The following CERS4 variants were observed in gnomAD, a reference collection of about 807,000 sequenced individuals.
The protein encoded by CERS4 is LAG1 homolog, ceramide synthase 4.
Under a neutral mutation model 51.8 loss-of-function variants are expected in CERS4, and 65 were observed. The ratio of observed to expected loss-of-function variants is 1.26; its 90% confidence interval spans 1.03 to 1.54. The LOEUF is 1.54. Among genes scored for constraint, CERS4 ranks in the 40% most tolerant of loss-of-function variants. CERS4 has a pLI of 0.00. For synonymous variants in CERS4, 228 were observed against 208.4 expected, an observed-to-expected ratio of 1.09 and a Z score of -0.81; for missense variants, 563 against 500.4, an observed-to-expected ratio of 1.13 and a Z score of -1.19.
intron 2 of CERS4, among the ~76,000 whole-genome samples, chr19:8,218,459 A>G (rs1376685133): frequency 6.6e-6 from 1 of 152,216 alleles, no homozygotes; most frequent in African/African-American, 2.4e-5. Context: ...AAATTGAAGC[A>G]GACTCTGGGA....
At chr19:8,219,068 A>T (rs757152374) in intron 2 of CERS4, among the ~76,000 whole-genome samples, 1 of 152,010 alleles carries the variant, frequency 6.6e-6, no homozygotes, top group Non-Finnish European at 1.5e-5. Context: ...TTAGCTGGGC[A>T]TGGTGGCGGG....
intron 2 of CERS4, among the ~76,000 whole-genome samples, chr19:8,247,980 C>T (rs1056392145): frequency 2.2e-4 from 34 of 151,940 alleles, no homozygotes; most frequent in African/African-American, 5.3e-4. Context: ...ATGATCCACC[C>T]GCTTCAGCCT....
intron 2 of CERS4, chr19:8,250,833 CT>C: frequency 7.8e-7 from 1 of 1,287,346 alleles, no homozygotes; most frequent in African/African-American, 1.5e-5. Context: ...CCAACTCTGC[CT>C]TTTAACACTG....
intron 10 of CERS4, among the ~76,000 whole-genome samples, chr19:8,260,187 C>G (rs1039830289): frequency 2.6e-4 from 39 of 151,898 alleles, no homozygotes; most frequent in African/African-American, 9.4e-4. Context: ...GTAGGAGAAA[C>G]ACAGCAGCTA....
intron 3 of CERS4, among the ~76,000 whole-genome samples, chr19:8,253,036 G>A (rs1415535567): frequency 6.6e-6 from 1 of 152,190 alleles, no homozygotes; most frequent in African/African-American, 2.4e-5. Flanking sequence ...GATAATAAGC[G>A]CTCATTCTCT....
intron 2 of CERS4, among the ~76,000 whole-genome samples, chr19:8,218,287 C>G (rs1440662755): frequency 1.3e-5 from 2 of 151,906 alleles, no homozygotes; most frequent in Non-Finnish European, 2.9e-5. Flanking sequence ...TTGACCCAGG[C>G]TGGGAGTCTT....
chr19:8,256,002 G>T (rs2145318887), intron 6 of CERS4, 123 bp downstream of exon 6: 1 of 1,159,086 alleles, frequency 8.6e-7, no homozygotes, highest in East Asian at 2.4e-5. Context: ...GAGAGAGCGA[G>T]CTTTGCAAGA....
intron 2 of CERS4, among the ~76,000 whole-genome samples, chr19:8,222,670 G>C (rs1219447905): frequency 6.6e-6 from 1 of 151,802 alleles, no homozygotes; most frequent in South Asian, 2.1e-4. Context: ...GGCTAATTTT[G>C]TATTTTTGGT....
At chr19:8,248,790 GGGTA>G (rs1188080060) in intron 2 of CERS4, among the ~76,000 whole-genome samples, 1 of 150,824 alleles carries the variant, frequency 6.6e-6, no homozygotes, top group African/African-American at 2.5e-5. Context: ...ATGGATGAAT[GGGTA>G]GGTGGATAGA....
chr19:8,218,847 TG>T (rs1967412559), intron 2 of CERS4, among the ~76,000 whole-genome samples: 4 of 152,198 alleles, frequency 2.6e-5, no homozygotes, highest in Admixed American at 2.0e-4. Flanking sequence ...AGAGGGCTGA[TG>T]GAAGACGTGT....
intron 8 of CERS4, 56 bp downstream of exon 8, chr19:8,256,766 T>A: frequency 6.3e-7 from 1 of 1,587,356 alleles, no homozygotes. Flanking sequence ...GCTGGGGTGC[T>A]GGGGGGTAGG....
In CERS4 at chr19:8,256,287, G is replaced by A. The variant is rs375276367; in HGVS notation, c.519+1G>A. 1 of 1,613,620 alleles carries A rather than the reference G, an allele frequency of 6.2e-7. No individual in the cohort carries two copies. Among genetic ancestry groups the A allele is most frequent in the Non-Finnish European group, 8.5e-7 (1 of 1,179,824 alleles). On this transcript the variant is annotated splice_donor_variant, in intron 7 of 11. Transcript: ENST00000251363. LOFTEE classifies it high-confidence loss of function. ...GTGCTGGGACAGGTACCCAAACCAG[G>A]TGAGTGGCAGAGTGTGTGTGAATGC... is the stretch of plus-strand genomic sequence containing the variant.
chr19:8,224,586 A>G (rs1967707775), intron 2 of CERS4, among the ~76,000 whole-genome samples: 1 of 152,108 alleles, frequency 6.6e-6, no homozygotes, highest in Non-Finnish European at 1.5e-5. Flanking sequence ...AAGGGAGGGC[A>G]TTACTGGTAG....
chr19:8,253,008 T>C (rs1241937051), intron 3 of CERS4, among the ~76,000 whole-genome samples: 1 of 152,244 alleles, frequency 6.6e-6, no homozygotes, highest in Non-Finnish European at 1.5e-5. Flanking sequence ...TCACATGGAC[T>C]TGGCCCCATG....
At chr19:8,255,762 CGGGCCGGGGT>C in intron 5 of CERS4, 37 bp downstream of exon 5, 1 of 971,232 alleles carries the variant, frequency 1.0e-6, no homozygotes. Flanking sequence ...TGCAGGGAAG[CGGGCCGGGGT>C]GGGGCGGGGC....
chr19:8,256,078 T>C, intron 6 of CERS4, 158 bp from the exon 7 acceptor site: 1 of 951,494 alleles, frequency 1.1e-6, no homozygotes, highest in Non-Finnish European at 1.6e-6. Flanking sequence ...GGTTCTGCAG[T>C]GAATGAGCCC....
At chr19:8,259,891 G>A (rs1197920594) in intron 10 of CERS4, among the ~76,000 whole-genome samples, 2 of 152,138 alleles carry the variant, frequency 1.3e-5, no homozygotes, top group Admixed American at 6.5e-5. Context: ...TTTGCAGGTC[G>A]AGAGAGGAAG....
At chr19:8,235,011 CT>C (rs567754538) in intron 2 of CERS4, among the ~76,000 whole-genome samples, 4,210 of 110,550 alleles carry the variant, frequency 0.038, 222 homozygotes, top group African/African-American at 0.14. Flanking sequence ...TTCTTTCTTT[CT>C]TTTTTTTTTT....
intron 10 of CERS4, 55 bp from the exon 11 acceptor site, chr19:8,261,633 T>G: frequency 3.7e-6 from 6 of 1,603,784 alleles, no homozygotes; most frequent in Non-Finnish European, 5.1e-6. Context: ...TTCTTAGGAC[T>G]GGGGGCTACA....
Sources: allele counts gnomAD v4.1 joint callset (sites outside exome capture counted in the v4.1 genomes callset), GRCh38; gene constraint gnomAD v4.1.1; transcripts MANE v1.5; gene names NCBI Gene and HGNC (gene_info 2026-07-23, HGNC 2026-07-21).